The following MARCHF1 variants were observed in gnomAD, a reference collection of about 807,000 sequenced individuals.
MARCHF1 encodes membrane associated ring-CH-type finger 1, also known as E3 ubiquitin-protein ligase MARCHF1.
In MARCHF1, 40 loss-of-function variants were observed where a neutral mutation model predicts 54.2. That is an observed-to-expected ratio of 0.74 (90% CI 0.57 to 0.96). The LOEUF is 0.96. MARCHF1 is among the 40% of genes least tolerant of loss of function. The pLI, the probability that MARCHF1 is intolerant of heterozygous loss-of-function variation, is 0.00. For missense variants in MARCHF1, 586 were observed against 656.5 expected, an observed-to-expected ratio of 0.89 and a Z score of 1.17; for synonymous variants, 236 against 236.3, an observed-to-expected ratio of 1.00 and a Z score of 0.01.
chr4:164,064,535 T>A (rs1341938234), intron 2 of MARCHF1, among the ~76,000 whole-genome samples: 1 of 152,244 alleles, frequency 6.6e-6, no homozygotes, highest in Non-Finnish European at 1.5e-5. Flanking sequence ...GCTTATCAGC[T>A]TAAGAAGCTT....
At chr4:163,795,761 C>T (rs1217574682) in intron 4 of MARCHF1, among the ~76,000 whole-genome samples, 2 of 152,162 alleles carry the variant, frequency 1.3e-5, no homozygotes, top group Admixed American at 6.5e-5. Context: ...ACAGTTGGGG[C>T]ACTGGCCCCC....
At chr4:163,975,190 TCTCTCTCACACA>T (rs1160258686) in intron 3 of MARCHF1, among the ~76,000 whole-genome samples, 20 of 120,506 alleles carry the variant, frequency 1.7e-4, no homozygotes, top group East Asian at 6.0e-4. Flanking sequence ...TCTCTCTCTC[TCTCTCTCACACA>T]CACACACACA....
At chr4:164,112,550 C>T (rs1755855951) in intron 1 of MARCHF1, among the ~76,000 whole-genome samples, 1 of 151,880 alleles carries the variant, frequency 6.6e-6, no homozygotes, top group Admixed American at 6.6e-5. Flanking sequence ...ATGACATTTT[C>T]ATATCAGAGT....
intron 1 of MARCHF1, among the ~76,000 whole-genome samples, chr4:164,249,194 A>C (rs948452693): frequency 3.3e-5 from 5 of 152,312 alleles, no homozygotes; most frequent in African/African-American, 1.2e-4. Flanking sequence ...CAGAGGAAGA[A>C]GACATGTAAT....
chr4:163,630,523 A>G (rs1450964632), intron 5 of MARCHF1, among the ~76,000 whole-genome samples: 1 of 152,226 alleles, frequency 6.6e-6, no homozygotes, highest in Non-Finnish European at 1.5e-5. Flanking sequence ...ATCAAAACTC[A>G]TTGGCTTGAA....
intron 5 of MARCHF1, among the ~76,000 whole-genome samples, chr4:163,620,606 CAG>C (rs138054709): frequency 0.038 from 2,149 of 56,622 alleles, 21 homozygotes; most frequent in South Asian, 0.078. Context: ...CACACACACA[CAG>C]AGAGAGAGAG....
chr4:163,786,666 A>G (rs1386747933), intron 4 of MARCHF1, among the ~76,000 whole-genome samples: 1 of 152,000 alleles, frequency 6.6e-6, no homozygotes, highest in Non-Finnish European at 1.5e-5. Context: ...TAGTACCCCT[A>G]GCAATCCACA....
chr4:164,229,695 G>T (rs1054264032), intron 1 of MARCHF1, among the ~76,000 whole-genome samples: 2 of 152,094 alleles, frequency 1.3e-5, no homozygotes, highest in South Asian at 2.1e-4. Context: ...GTTGGTTTCT[G>T]GGGAGGCCTC....
At chr4:164,145,588 T>C (rs1287628754) in intron 1 of MARCHF1, among the ~76,000 whole-genome samples, 2 of 152,160 alleles carry the variant, frequency 1.3e-5, no homozygotes, top group Non-Finnish European at 2.9e-5. Flanking sequence ...ATTACCTCAA[T>C]AGATTCAGAA....
intron 2 of MARCHF1, among the ~76,000 whole-genome samples, chr4:164,078,185 G>A (rs1755018579): frequency 1.3e-5 from 2 of 152,264 alleles, no homozygotes; most frequent in South Asian, 2.1e-4. Flanking sequence ...TATACACCAT[G>A]GAATACTATG....
intron 1 of MARCHF1, among the ~76,000 whole-genome samples, chr4:164,117,319 T>G (rs1047109872): frequency 2.0e-5 from 3 of 151,968 alleles, no homozygotes; most frequent in African/African-American, 7.3e-5. Context: ...AATATAAATT[T>G]TTGTAATAAC....
chr4:164,333,703 T>C (rs538355554), intron 1 of MARCHF1, among the ~76,000 whole-genome samples: 2 of 152,318 alleles, frequency 1.3e-5, no homozygotes, highest in African/African-American at 4.8e-5. Flanking sequence ...TCTAAGTGTT[T>C]AAGAGAAAGG....
chr4:163,650,166 T>C (rs1048795168), intron 5 of MARCHF1, among the ~76,000 whole-genome samples: 1 of 151,954 alleles, frequency 6.6e-6, no homozygotes, highest in Admixed American at 6.6e-5. Flanking sequence ...AAGTGTGAAG[T>C]TGATATTTAA....
intron 8 of MARCHF1, among the ~76,000 whole-genome samples, chr4:163,571,883 C>T (rs1739852570): frequency 6.6e-6 from 1 of 152,022 alleles, no homozygotes; most frequent in Non-Finnish European, 1.5e-5. Context: ...CTGTCACTTG[C>T]TTTTGCTTTA....
At chr4:163,571,129 C>A (rs1377159141) in intron 8 of MARCHF1, among the ~76,000 whole-genome samples, 2 of 152,076 alleles carry the variant, frequency 1.3e-5, no homozygotes, top group Non-Finnish European at 2.9e-5. Context: ...AGAGAGACAG[C>A]TTTGAAATTG....
chr4:164,123,648 C>T (rs1483901351), intron 1 of MARCHF1, among the ~76,000 whole-genome samples: 2 of 152,038 alleles, frequency 1.3e-5, no homozygotes, highest in Non-Finnish European at 2.9e-5. Context: ...CAAATCTACA[C>T]ACCACAGTGA....
intron 2 of MARCHF1, among the ~76,000 whole-genome samples, chr4:164,023,585 T>G (rs1753710761): frequency 6.6e-6 from 1 of 152,158 alleles, no homozygotes; most frequent in Non-Finnish European, 1.5e-5. Context: ...TAAAGACAAT[T>G]GGCTATACTC....
chr4:163,633,076 C>A (rs1351465519), intron 5 of MARCHF1, among the ~76,000 whole-genome samples: 1 of 151,222 alleles, frequency 6.6e-6, no homozygotes, highest in East Asian at 2.0e-4. Flanking sequence ...GAAAGGACAT[C>A]CACACCAAAA....
At chr4:163,980,262 G>A (rs1752735336) in intron 3 of MARCHF1, among the ~76,000 whole-genome samples, 2 of 136,610 alleles carry the variant, frequency 1.5e-5, no homozygotes, top group South Asian at 5.2e-4. Context: ...AACAAGAAAT[G>A]GGGAAAGGAT....
Sources: allele counts gnomAD v4.1 joint callset (sites outside exome capture counted in the v4.1 genomes callset), GRCh38; gene constraint gnomAD v4.1.1; transcripts MANE v1.5; gene names NCBI Gene and HGNC (gene_info 2026-07-23, HGNC 2026-07-21).